Variants in GSTZ1 observed in about 807,000 individuals in gnomAD.
The protein encoded by GSTZ1 is maleylacetoacetate isomerase.
In GSTZ1, 34 loss-of-function variants were observed where a neutral mutation model predicts 35.9. The observed-to-expected ratio is 0.95, with a 90% CI of 0.72 to 1.26. The LOEUF (loss-of-function observed/expected upper bound fraction) is 1.26, where lower values mean the gene tolerates loss of function less well. Ranked by LOEUF, GSTZ1 falls within the 50% of genes most tolerant of loss-of-function variation. The pLI is 0.00. For synonymous variants in GSTZ1, 93 were observed against 101.2 expected, an observed-to-expected ratio of 0.92 and a Z score of 0.49; for missense variants, 263 against 271.7, an observed-to-expected ratio of 0.97 and a Z score of 0.23.
intron 1 of GSTZ1, chr14:77,324,466 G>A (rs1027714163): frequency 1.3e-6 from 1 of 752,462 alleles, no homozygotes; most frequent in African/African-American, 1.7e-5. Flanking sequence ...TTTCTGACCA[G>A]AGTCAAAGTT....
At chr14:77,327,352 G>T in intron 3 of GSTZ1, 120 bp from the exon 4 acceptor site, 1 of 698,356 alleles carries the variant, frequency 1.4e-6, no homozygotes, top group Admixed American at 2.1e-5. Flanking sequence ...TAGGATTTAG[G>T]GCCTTCCCAG....
chr14:77,329,600 T>G (rs2139581060), intron 6 of GSTZ1, 155 bp from the exon 7 acceptor site: 1 of 667,320 alleles, frequency 1.5e-6, no homozygotes, highest in South Asian at 1.7e-5. Context: ...CCCTAACAGC[T>G]CTCTCGAGAC....
At position 77,326,879 on chromosome 14, in the gene GSTZ1, A is replaced by G. The variant is rs550644951; in HGVS notation, c.109A>G (p.Asn37Asp). ...KGIDYETVPI[N>D]LIKDGGQQFS... The stretch of plus-strand genomic sequence containing the variant: ...CATCGACTACGAGACGGTGCCCATC[A>G]ATCTCATAAAGGATGGGGGCCAACA... The change falls in exon 3 of 9, where the codon AAT (asparagine) becomes GAT (aspartate). Residue 37 changes from asparagine to aspartate, a missense_variant. Physicochemically the swap from Asn to Asp is conservative, Grantham distance 23. Transcript: ENST00000216465. 14 of 1,606,692 alleles carry G rather than the reference A, an allele frequency of 8.7e-6. No homozygotes were observed. In the African/African-American group the frequency reaches 1.3e-4, roughly 15 times the overall value.
Position 77,331,275 on chromosome 14 carries a change from TAATTG to T in GSTZ1, c.*82_*86del. On this transcript the variant is annotated 3_prime_UTR_variant, in exon 9 of 9. Coordinates refer to ENST00000216465, the MANE Select transcript of GSTZ1 (RefSeq NM_145870.3). Reference sequence around the variant, plus strand: ...TGAAGAGGCCTGGAAACGAGAGTCTTAATTGAGGAGATGGGAGACTCGAACTCTAG... The same window carrying T: ...TGAAGAGGCCTGGAAACGAGAGTCTTAGGAGATGGGAGACTCGAACTCTAG... The T allele has an allele frequency of 6.8e-7, 1 of 1,478,368 alleles. No individual in the cohort carries two copies. Among genetic ancestry groups the T allele is most frequent in the Non-Finnish European group, 9.1e-7 (1 of 1,096,258 alleles). The allele number at this position is 1,478,368 out of a possible 1,614,324, so 91.6% of individuals were successfully genotyped here. A position where few individuals can be genotyped will look rare whatever the true frequency, so the allele number is the denominator to read the frequency against.
intron 1 of GSTZ1, 107 bp downstream of exon 1, chr14:77,321,290 C>T (rs1352193167): frequency 9.9e-6 from 15 of 1,521,926 alleles, no homozygotes; most frequent in Non-Finnish European, 1.3e-5. Flanking sequence ...ACAACGACTC[C>T]CGGCATGCAG....
At chr14:77,326,977 G>T in intron 3 of GSTZ1, 72 bp downstream of exon 3, 1 of 1,019,188 alleles carries the variant, frequency 9.8e-7, no homozygotes, top group Middle Eastern at 2.4e-4. Context: ...GGGGAAAAAG[G>T]GGAGGCTCTG....
intron 3 of GSTZ1, chr14:77,327,250 G>A (rs1260290564): frequency 6.6e-6 from 4 of 602,332 alleles, no homozygotes; most frequent in Non-Finnish European, 3.0e-6. Context: ...TGCAGGGAAA[G>A]CCCATAGCCA....
intron 5 of GSTZ1, 103 bp downstream of exon 5, chr14:77,328,140 G>A: frequency 2.6e-6 from 3 of 1,148,342 alleles, no homozygotes; most frequent in Non-Finnish European, 3.8e-6. Flanking sequence ...TCAAGGGAGG[G>A]AGGGGGATTC....
chr14:77,322,195 A>G (rs1892048198), intron 1 of GSTZ1, among the ~76,000 whole-genome samples: 1 of 152,204 alleles, frequency 6.6e-6, no homozygotes, highest in Non-Finnish European at 1.5e-5. Context: ...AATCATGTGT[A>G]AGACATGGTT....
rs1286996524 is a variant in GSTZ1 at position 77,331,350 on chromosome 14, C to T, written c.*155C>T. The T allele has an allele frequency of 2.4e-6, 2 of 831,192 alleles. No individual in the cohort carries two copies. Among genetic ancestry groups the T allele is most frequent in the Non-Finnish European group, 3.6e-6 (2 of 550,346 alleles). 51.5% of individuals were successfully genotyped at this position (831,192 alleles called of 1,614,324 possible). A position where few individuals can be genotyped will look rare whatever the true frequency, so the allele number is the denominator to read the frequency against. Reference sequence around the variant, plus strand: ...CTGAAACTTGTTCCACCTCAGTCCCCTCATCTGTCACACGCATGTGGGGTG... The same window carrying T: ...CTGAAACTTGTTCCACCTCAGTCCCTTCATCTGTCACACGCATGTGGGGTG... On this transcript the variant is annotated 3_prime_UTR_variant, in exon 9 of 9. Transcript: ENST00000216465.
At chr14:77,325,748 C>T (rs1024143914) in intron 2 of GSTZ1, 2 of 152,316 alleles carry the variant, frequency 1.3e-5, no homozygotes, top group African/African-American at 2.4e-5. Flanking sequence ...TCCGTGACCC[C>T]TCCTCCATCC....
At chr14:77,324,979 A>C in intron 2 of GSTZ1, 58 bp downstream of exon 2, 1 of 1,426,646 alleles carries the variant, frequency 7.0e-7, no homozygotes, top group Non-Finnish European at 9.9e-7. Context: ...GGGGCGGATA[A>C]GCCCGGGTGC....
At chr14:77,324,269 A>C (rs1015213333) in intron 1 of GSTZ1, 2 of 342,324 alleles carry the variant, frequency 5.8e-6, no homozygotes, top group Non-Finnish European at 1.1e-5. Flanking sequence ...CAACCTCCTG[A>C]GTAGCTGAGA....
chr14:77,327,638 T>A (rs1892394057), intron 4 of GSTZ1, 86 bp downstream of exon 4: 1 of 926,146 alleles, frequency 1.1e-6, no homozygotes, highest in African/African-American at 1.6e-5. Context: ...CTGTGTACAG[T>A]CAAGGTGCCT....
In GSTZ1 at chr14:77,327,966, C is replaced by T. The variant is rs1483179357; in HGVS notation, c.271C>T (p.Gln91Ter). The change falls in exon 5 of 9, where the codon CAG becomes TAG. Residue 91 changes from glutamine (Q) to a stop codon, truncating the protein, a stop_gained. Transcript: ENST00000216465. LOFTEE classifies it high-confidence loss of function. Reference protein sequence around the residue: ...EMRPTPRLLPQDPKKRASVRM... With the variant: ...EMRPTPRLLP ...GCGTCCCACTCCGCGACTTCTGCCTCAGGACCCAAAGAAGAGGGCCAGCGT... is the reference window on the plus strand; with the variant it reads ...GCGTCCCACTCCGCGACTTCTGCCTTAGGACCCAAAGAAGAGGGCCAGCGT... 2 of 1,613,992 alleles carry T rather than the reference C, an allele frequency of 1.2e-6. No homozygotes were observed.
At chr14:77,327,415 T>G in intron 3 of GSTZ1, 57 bp from the exon 4 acceptor site, 5 of 1,112,318 alleles carry the variant, frequency 4.5e-6, no homozygotes, top group Non-Finnish European at 6.8e-6. Flanking sequence ...CTTGCTTGGC[T>G]TTCCTCTGGC....
intron 1 of GSTZ1, chr14:77,321,594 A>G: frequency 8.7e-7 from 1 of 1,148,888 alleles, no homozygotes; most frequent in Non-Finnish European, 1.1e-6. Flanking sequence ...GTATTTTAAG[A>G]GTCCCCGGGC....
At chr14:77,329,550 G>C (rs763073367) in intron 6 of GSTZ1, 22 of 601,460 alleles carry the variant, frequency 3.7e-5, no homozygotes, top group Non-Finnish European at 5.9e-5. Context: ...GTGGGGAAAT[G>C]GTGATTGTCT....
At chr14:77,322,458 GATCCAAAGGTGTA>G (rs1892068893) in intron 1 of GSTZ1, 1 of 289,442 alleles carries the variant, frequency 3.5e-6, no homozygotes, top group African/African-American at 2.3e-5. Flanking sequence ...TCGTAGTACA[GATCCAAAGGTGTA>G]ATCCAAAGGC....
Sources: gnomAD v4.1 joint callset for allele counts (sites outside exome capture counted in the v4.1 genomes callset) on GRCh38, gnomAD v4.1.1 for gene constraint, MANE v1.5 for transcripts, NCBI Gene and HGNC (gene_info 2026-07-23, HGNC 2026-07-21) for gene names.